Variants in RANBP2 observed in about 807,000 individuals in gnomAD.
The protein encoded by RANBP2 is E3 SUMO-protein ligase RanBP2.
A neutral mutation model predicts 303.6 loss-of-function variants in RANBP2; 57 were observed. That is an observed-to-expected ratio of 0.19 (90% CI 0.15 to 0.23). The LOEUF (loss-of-function observed/expected upper bound fraction) is 0.23, where lower values mean the gene tolerates loss of function less well. Ranked by LOEUF, RANBP2 falls within the 10% of genes least tolerant of loss-of-function variation. The pLI is 1.00. For synonymous variants in RANBP2, 1,167 were observed against 1,301.5 expected, an observed-to-expected ratio of 0.90 and a Z score of 2.23; for missense variants, 3,138 against 3,780.8, an observed-to-expected ratio of 0.83 and a Z score of 4.46.
chr2:109,258,107 C>A, the RANBP2 span, among the ~76,000 whole-genome samples: 1 of 152,284 alleles, frequency 6.6e-6, no homozygotes, highest in African/African-American at 2.4e-5. Context: ...GGAGCTTAAC[C>A]GGCCCAGACA....
chr2:108,969,213 CT>C, the RANBP2 span, among the ~76,000 whole-genome samples: 52 of 148,026 alleles, frequency 3.5e-4, no homozygotes, highest in South Asian at 4.3e-4. Flanking sequence ...TGACAACCTT[CT>C]TTTTTTTTTT....
chr2:108,750,535 T>C (rs2912844), intron 9 of RANBP2, among the ~76,000 whole-genome samples: 10 of 148,892 alleles, frequency 6.7e-5, no homozygotes, highest in East Asian at 2.0e-4. Context: ...TATACCTCTT[T>C]ATGCTTCCAG....
At chr2:108,817,382 T>C in the RANBP2 span, among the ~76,000 whole-genome samples, 1 of 151,860 alleles carries the variant, frequency 6.6e-6, no homozygotes, top group Non-Finnish European at 1.5e-5. Flanking sequence ...AGCCTCCACC[T>C]CCCGGGTTCA....
chr2:109,242,439 C>T, the RANBP2 span, among the ~76,000 whole-genome samples: 15 of 152,278 alleles, frequency 9.9e-5, no homozygotes, highest in African/African-American at 3.6e-4. Flanking sequence ...AGTCCTGGGC[C>T]TTGGGGCTCA....
chr2:109,199,194 C>T, the RANBP2 span, among the ~76,000 whole-genome samples: 3 of 151,608 alleles, frequency 2.0e-5, no homozygotes, highest in East Asian at 1.9e-4. Context: ...CCTGTCTGTA[C>T]GAAAAATACA....
At chr2:109,133,722 ATTTTTTTTT>A in the RANBP2 span, among the ~76,000 whole-genome samples, 1 of 128,854 alleles carries the variant, frequency 7.8e-6, no homozygotes, top group Non-Finnish European at 1.7e-5. Context: ...CCAAGGGACA[ATTTTTTTTT>A]TTTTTTTTTT....
the RANBP2 span, among the ~76,000 whole-genome samples, chr2:109,106,052 G>A: frequency 1.1e-4 from 16 of 150,432 alleles, no homozygotes; most frequent in Non-Finnish European, 1.5e-4. Context: ...TAGTAGAGAC[G>A]GGGTTTCACC....
the RANBP2 span, among the ~76,000 whole-genome samples, chr2:109,727,107 G>T: frequency 6.6e-6 from 1 of 152,188 alleles, no homozygotes; most frequent in African/African-American, 2.4e-5. Context: ...CACGGTTTCT[G>T]CTCTGATACC....
the RANBP2 span, among the ~76,000 whole-genome samples, chr2:109,210,568 C>T: frequency 6.6e-6 from 1 of 152,122 alleles, no homozygotes; most frequent in African/African-American, 2.4e-5. Context: ...GGGCAAATGG[C>T]CTAAGCAGGT....
chr2:109,280,606 G>A, the RANBP2 span, among the ~76,000 whole-genome samples: 3 of 151,946 alleles, frequency 2.0e-5, no homozygotes, highest in East Asian at 1.9e-4. Context: ...TAGTCTCCAA[G>A]CTAAAAACAA....
the RANBP2 span, chr2:108,896,665 A>G: frequency 1.5e-5 from 8 of 539,644 alleles, no homozygotes; most frequent in Non-Finnish European, 2.3e-5. Context: ...ATGAGTGAGT[A>G]GATATTTACT....
chr2:109,130,420 C>T, the RANBP2 span, among the ~76,000 whole-genome samples: 1 of 152,234 alleles, frequency 6.6e-6, no homozygotes, highest in Non-Finnish European at 1.5e-5. Context: ...GCCCTTGCGT[C>T]TCCCTAGAAA....
chr2:109,125,312 T>C, the RANBP2 span, among the ~76,000 whole-genome samples: 1 of 152,168 alleles, frequency 6.6e-6, no homozygotes, highest in Non-Finnish European at 1.5e-5. Context: ...GTGGGGGGGT[T>C]AGAATTATCT....
intron 3 of RANBP2, 41 bp downstream of exon 3, chr2:108,730,926 C>T (rs186888533): frequency 5.6e-6 from 9 of 1,608,410 alleles, no homozygotes; most frequent in Non-Finnish European, 7.6e-6. Flanking sequence ...CATAGCCAAA[C>T]ACATGATGCC....
chr2:108,775,050 G>C (rs1440693859), intron 23 of RANBP2, among the ~76,000 whole-genome samples: 1 of 152,054 alleles, frequency 6.6e-6, no homozygotes, highest in Non-Finnish European at 1.5e-5. Context: ...TTTATTTCTA[G>C]TATAAGTATT....
At chr2:109,043,627 G>A in the RANBP2 span, among the ~76,000 whole-genome samples, 199 of 152,284 alleles carry the variant, frequency 1.3e-3, 3 homozygotes, top group East Asian at 0.034. Flanking sequence ...GAGCCACCGT[G>A]CCTGGCCCGA....
the RANBP2 span, among the ~76,000 whole-genome samples, chr2:109,436,184 C>T: frequency 6.6e-6 from 1 of 152,340 alleles, no homozygotes; most frequent in African/African-American, 2.4e-5. Flanking sequence ...AAATGGAAGA[C>T]ATTTAATTCC....
chr2:109,497,539 A>G, the RANBP2 span, among the ~76,000 whole-genome samples: 5 of 152,380 alleles, frequency 3.3e-5, no homozygotes, highest in Non-Finnish European at 7.3e-5. Flanking sequence ...TCAGCAGGGC[A>G]GAGTTGCTTG....
At chr2:109,067,450 G>A in the RANBP2 span, among the ~76,000 whole-genome samples, 19 of 152,300 alleles carry the variant, frequency 1.2e-4, no homozygotes, top group East Asian at 3.7e-3. Context: ...CATGGGGGAG[G>A]CAGCGGAGGT....
Sources: gnomAD v4.1 joint callset for allele counts (sites outside exome capture counted in the v4.1 genomes callset) on GRCh38, gnomAD v4.1.1 for gene constraint, MANE v1.5 for transcripts, NCBI Gene and HGNC (gene_info 2026-07-23, HGNC 2026-07-21) for gene names.